The following RAB44 variants were observed in gnomAD, a reference collection of about 807,000 sequenced individuals.
RAB44 encodes ras-related protein Rab-44.
RAB44 carries 67 observed loss-of-function variants against 93.3 expected under a neutral mutation model. The ratio of observed to expected loss-of-function variants is 0.72; its 90% CI spans 0.59 to 0.88. RAB44 has a LOEUF of 0.88. Ranked by LOEUF, RAB44 falls within the 40% of genes least tolerant of loss-of-function variation. The pLI is 0.00. For missense variants in RAB44, 1,064 were observed against 1,261.7 expected (o/e 0.84, Z 2.37); for synonymous variants, 427 against 520.3 (o/e 0.82, Z 2.44).
intron 7 of RAB44, among the ~76,000 whole-genome samples, chr6:36,719,211 T>G (rs1763008392): frequency 6.6e-6 from 1 of 152,206 alleles, no homozygotes; most frequent in South Asian, 2.1e-4. Context: ...AATTGTGCTC[T>G]GCTGTAACCA....
intron 9 of RAB44, 128 bp downstream of exon 9, chr6:36,722,861 C>T: frequency 1.9e-6 from 2 of 1,029,038 alleles, no homozygotes; most frequent in South Asian, 3.3e-5. Flanking sequence ...ACGGGCCCTG[C>T]ATTAGACATT....
At chr6:36,707,151 C>T (rs1206995306) in intron 2 of RAB44, among the ~76,000 whole-genome samples, 1 of 152,072 alleles carries the variant, frequency 6.6e-6, no homozygotes, top group Non-Finnish European at 1.5e-5. Context: ...GAAACCCCGT[C>T]TCTACTAAAA....
At chr6:36,706,544 A>G (rs1281663903) in intron 2 of RAB44, among the ~76,000 whole-genome samples, 1 of 152,176 alleles carries the variant, frequency 6.6e-6, no homozygotes, top group Non-Finnish European at 1.5e-5. Flanking sequence ...CTCCATGAGC[A>G]TTCCTTATAG....
At chr6:36,724,633 C>T (rs1174809731) in intron 9 of RAB44, among the ~76,000 whole-genome samples, 2 of 151,628 alleles carry the variant, frequency 1.3e-5, no homozygotes, top group East Asian at 1.9e-4. Flanking sequence ...GCTGCATAAT[C>T]GTGAAACCAA....
chr6:36,722,663 C>T lies in RAB44; in HGVS notation c.2529C>T (p.Asn843=), dbSNP rs762352098. ...ATGTCATCTTTCTGGGAGACTCCAACGTGGGCAAAACATCCTTCCTGCACC... is the reference window on the plus strand; with the variant it reads ...ATGTCATCTTTCTGGGAGACTCCAATGTGGGCAAAACATCCTTCCTGCACC... ...LFHVIFLGDS[N]VGKTSFLHLL... Residue 843 remains asparagine (N), a synonymous_variant, in exon 9 of 14, where the codon AAC becomes AAT. Coordinates refer to ENST00000612677, the MANE Select transcript of RAB44 (RefSeq NM_001257357.2). 3.5e-5 allele frequency: 55 copies of T among 1,550,560 alleles called. No homozygotes were observed. Among genetic ancestry groups the T allele is most frequent in the South Asian group, 2.4e-5 (2 of 84,072 alleles).
chr6:36,710,661 C>T (rs1166211167), intron 2 of RAB44, among the ~76,000 whole-genome samples: 1 of 150,992 alleles, frequency 6.6e-6, no homozygotes, highest in Non-Finnish European at 1.5e-5. Context: ...CTCTGTCATC[C>T]AGGCTGGAGT....
chr6:36,703,591 G>A (rs919927751), intron 1 of RAB44, among the ~76,000 whole-genome samples: 2 of 152,168 alleles, frequency 1.3e-5, no homozygotes, highest in African/African-American at 4.8e-5. Flanking sequence ...CAGGGGTGGG[G>A]TGGATGAAGC....
chr6:36,725,751 G>A, intron 9 of RAB44, 111 bp from the exon 10 acceptor site: 3 of 727,730 alleles, frequency 4.1e-6, no homozygotes, highest in Middle Eastern at 2.6e-4. Context: ...GGCAGCCAAG[G>A]GCTCCATCGC....
chr6:36,717,179 C>A lies in RAB44; in HGVS notation c.495-94C>A. ...GCCCAGGTGCCAAAGTCTCTTGGAG[C>A]GCTGCAGTGAAAACTGAGGAGTGGG... On this transcript the variant is annotated intron_variant, in intron 4 of 13. Transcript: ENST00000612677. The surrounding 1 kb of genome is among the most constrained non-coding windows in gnomAD (Gnocchi z 4.1). 3 of 1,163,512 alleles carry A rather than the reference C, an allele frequency of 2.6e-6. No individual in the cohort carries two copies. The highest frequency in any genetic ancestry group is 3.2e-6 in the Non-Finnish European group (3 of 926,218). The allele number at this position is 1,163,512 out of a possible 1,614,324, so 72.1% of individuals were successfully genotyped here. A position where few individuals can be genotyped will look rare whatever the true frequency, so the allele number is the denominator to read the frequency against.
Position 36,731,938 on chromosome 6 carries a change from A to T in RAB44, c.2976-65A>T. The T allele has an allele frequency of 9.1e-7, 1 of 1,102,256 alleles. No homozygotes were observed. The highest frequency in any genetic ancestry group is 4.7e-5 in the South Asian group (1 of 21,312). The allele number at this position is 1,102,256 out of a possible 1,614,324, so 68.3% of individuals were successfully genotyped here. On this transcript the variant is annotated intron_variant, in intron 13 of 13. Transcript: ENST00000612677. The surrounding 1 kb of genome is among the most constrained non-coding windows in gnomAD (Gnocchi z 4.0). The stretch of plus-strand genomic sequence containing the variant: ...GGCCTCCCACCCCCCAGCTGCACCC[A>T]TGGGCCCATCCGTGCTGCCCGTAGG...
Position 36,722,375 on chromosome 6 carries a change from C to T in RAB44, c.2241C>T (p.Pro747=). ...GKSAPPRGSP[P]RGAQPGAGAG... is the part of the protein sequence containing the mutation. ...CGGCACCTCCAAGGGGCTCTCCTCC[C>T]AGGGGGGCTCAGCCTGGGGCTGGAG... The change falls in exon 9 of 14, where the codon CCC becomes CCT. Residue 747 remains proline (P), a synonymous_variant. Coordinates refer to ENST00000612677, the MANE Select transcript of RAB44 (RefSeq NM_001257357.2). 7.3e-7 allele frequency: 1 copy of T among 1,369,792 alleles called. No homozygotes were observed. Among genetic ancestry groups the T allele is most frequent in the Non-Finnish European group, 9.4e-7 (1 of 1,063,272 alleles). 84.9% of individuals were successfully genotyped at this position (1,369,792 alleles called of 1,614,324 possible). A position where few individuals can be genotyped will look rare whatever the true frequency, so the allele number is the denominator to read the frequency against.
chr6:36,704,894 C>T (rs1029869389), intron 2 of RAB44, among the ~76,000 whole-genome samples: 7 of 151,788 alleles, frequency 4.6e-5, no homozygotes, highest in Non-Finnish European at 8.8e-5. Flanking sequence ...CCGAGGCGGG[C>T]GGATCACTTG....
intron 2 of RAB44, among the ~76,000 whole-genome samples, chr6:36,710,307 T>C (rs993019020): frequency 5.9e-5 from 9 of 152,240 alleles, no homozygotes; most frequent in Admixed American, 2.0e-4. Flanking sequence ...AGTATTTGTC[T>C]TTTAGTTACT....
intron 2 of RAB44, among the ~76,000 whole-genome samples, chr6:36,713,361 A>G (rs1339588278): frequency 6.6e-6 from 1 of 151,920 alleles, no homozygotes; most frequent in Admixed American, 6.6e-5. Flanking sequence ...ATGCCTGGCT[A>G]ATTTTTGTAT....
At chr6:36,709,606 A>AGTGCAGTGGCGCAATCTC (rs1266571236) in intron 2 of RAB44, among the ~76,000 whole-genome samples, 4 of 152,298 alleles carry the variant, frequency 2.6e-5, no homozygotes, top group South Asian at 4.1e-4. Flanking sequence ...TCCGGGCTGT[A>AGTGCAGTGGCGCAATCTC]GTGCAGTGGC....
In RAB44 at chr6:36,732,599, C is replaced by T. The variant is rs1406236408; in HGVS notation, c.*506C>T. The T allele has an allele frequency of 6.6e-6, 1 of 152,158 alleles. No homozygotes were observed. The highest frequency in any genetic ancestry group is 2.1e-4 in the South Asian group (1 of 4,826). The allele number at this position is 152,158 out of a possible 1,614,324, so 9.4% of individuals were successfully genotyped here. A position where few individuals can be genotyped will look rare whatever the true frequency, so the allele number is the denominator to read the frequency against. Reference sequence around the variant, plus strand: ...TGTAACCTGTTAATCACATGTTGCTCGGTGTTAGAGCGGTCCCTCTGTGCT... The same window carrying T: ...TGTAACCTGTTAATCACATGTTGCTTGGTGTTAGAGCGGTCCCTCTGTGCT... On this transcript the variant is annotated 3_prime_UTR_variant, in exon 14 of 14. Coordinates refer to ENST00000612677, the MANE Select transcript of RAB44 (RefSeq NM_001257357.2).
intron 2 of RAB44, among the ~76,000 whole-genome samples, chr6:36,711,016 A>C (rs1033161080): frequency 6.6e-6 from 1 of 152,272 alleles, no homozygotes; most frequent in Admixed American, 6.5e-5. Flanking sequence ...GAAGTAAAAA[A>C]TATATCAACT....
intron 2 of RAB44, among the ~76,000 whole-genome samples, chr6:36,706,321 C>A (rs1036105392): frequency 1.3e-5 from 2 of 152,292 alleles, no homozygotes; most frequent in African/African-American, 4.8e-5. Flanking sequence ...AAGTCCTGGG[C>A]AAACTAGGAT....
In RAB44 at chr6:36,703,685, G is replaced by A. The variant is rs77198423; in HGVS notation, c.-12-539G>A. 3.5e-3 allele frequency among the ~76,000 whole-genome samples: 532 copies of A among 152,204 alleles called. 5 individuals carry two copies. The highest frequency in any genetic ancestry group is 0.01 in the African/African-American group (434 of 41,518). ...GCGTGTGTCGAAGGACTAGAGACAT[G>A]GTGCTGGAGAGAAAAGGCTGGAGGA... On this transcript the variant is annotated intron_variant, in intron 1 of 13. Transcript: ENST00000612677.
Sources: allele counts gnomAD v4.1 joint callset (sites outside exome capture counted in the v4.1 genomes callset), GRCh38; gene constraint gnomAD v4.1.1; non-coding constraint Gnocchi (gnomAD v3.1); transcripts MANE v1.5; gene names NCBI Gene and HGNC (gene_info 2026-07-23, HGNC 2026-07-21).